CHRM2: variants seen among roughly 807,000 people sequenced by gnomAD.
CHRM2 encodes muscarinic acetylcholine receptor M2.
CHRM2 carries 8 observed loss-of-function variants against 25.0 expected under a neutral mutation model. The observed-to-expected ratio is 0.32, with a 90% CI of 0.19 to 0.58. The LOEUF (loss-of-function observed/expected upper bound fraction) is 0.58. CHRM2 is among the 20% of genes least tolerant of loss of function. The pLI, the probability that CHRM2 is intolerant of heterozygous loss-of-function variation, is 0.88. For missense variants in CHRM2, 440 were observed against 567.1 expected (o/e 0.78, Z 2.28); for synonymous variants, 202 against 205.7 (o/e 0.98, Z 0.15).
chr7:136,999,090 C>T (rs1803805140), intron 3 of CHRM2, among the ~76,000 whole-genome samples: 1 of 152,022 alleles, frequency 6.6e-6, no homozygotes, highest in Non-Finnish European at 1.5e-5. Context: ...CGCCCATGAA[C>T]ACTGTTGCTA....
At chr7:136,981,210 A>AT (rs1802463709) in intron 2 of CHRM2, among the ~76,000 whole-genome samples, 1 of 152,100 alleles carries the variant, frequency 6.6e-6, no homozygotes, top group Non-Finnish European at 1.5e-5. Flanking sequence ...TTTCTTCTAG[A>AT]TTTTTTAATT....
chr7:136,908,547 G>A (rs541166975), intron 2 of CHRM2, among the ~76,000 whole-genome samples: 34 of 151,954 alleles, frequency 2.2e-4, no homozygotes, highest in African/African-American at 8.0e-4. Flanking sequence ...GCTGACACAG[G>A]TGAGGCCACT....
At chr7:136,996,981 A>G (rs1037734374) in intron 3 of CHRM2, among the ~76,000 whole-genome samples, 2 of 152,138 alleles carry the variant, frequency 1.3e-5, no homozygotes, top group African/African-American at 4.8e-5. Flanking sequence ...TAAATATGTG[A>G]CAACTCTGTG....
At chr7:136,896,166 TTCA>T (rs991210020) in intron 2 of CHRM2, among the ~76,000 whole-genome samples, 1 of 152,148 alleles carries the variant, frequency 6.6e-6, no homozygotes, top group Admixed American at 6.5e-5. Context: ...GAGCATCCCA[TTCA>T]TCTGCGCTCC....
chr7:136,948,202 G>T (rs541966086), intron 2 of CHRM2, among the ~76,000 whole-genome samples: 1 of 152,002 alleles, frequency 6.6e-6, no homozygotes, highest in East Asian at 1.9e-4. Flanking sequence ...CTATCATCTA[G>T]ATAGAAATGA....
intron 2 of CHRM2, among the ~76,000 whole-genome samples, chr7:136,917,649 T>C (rs1441713806): frequency 6.6e-6 from 1 of 152,070 alleles, no homozygotes; most frequent in Non-Finnish European, 1.5e-5. Flanking sequence ...ATGTACAATC[T>C]TAAGCATTTA....
chr7:136,971,312 C>A (rs759044538), intron 2 of CHRM2, among the ~76,000 whole-genome samples: 1 of 152,198 alleles, frequency 6.6e-6, no homozygotes, highest in Admixed American at 6.5e-5. Context: ...CTCCATCCTA[C>A]AATTTAGACC....
chr7:136,987,126 TTTC>T (rs199681710), intron 2 of CHRM2, among the ~76,000 whole-genome samples: 2 of 140,252 alleles, frequency 1.4e-5, no homozygotes, highest in Non-Finnish European at 3.3e-5. Flanking sequence ...TTTATTTCTC[TTTC>T]TTTTTCTCTT....
intron 2 of CHRM2, among the ~76,000 whole-genome samples, chr7:136,927,889 C>T (rs1343243786): frequency 1.3e-5 from 2 of 152,232 alleles, no homozygotes; most frequent in East Asian, 3.9e-4. Context: ...GAAGCAGACT[C>T]ATGATATGGA....
At chr7:136,892,118 T>C (rs1796714100) in intron 2 of CHRM2, among the ~76,000 whole-genome samples, 1 of 152,226 alleles carries the variant, frequency 6.6e-6, no homozygotes, top group Admixed American at 6.5e-5. Context: ...AGCTCGAATT[T>C]GAAAGACAAG....
intron 2 of CHRM2, among the ~76,000 whole-genome samples, chr7:136,963,308 A>G (rs942770317): frequency 1.3e-5 from 2 of 152,208 alleles, no homozygotes; most frequent in African/African-American, 4.8e-5. Flanking sequence ...AAAAGCGTTT[A>G]TCTCGTAAGC....
chr7:136,966,414 T>C (rs1217931220), intron 2 of CHRM2, among the ~76,000 whole-genome samples: 1 of 151,954 alleles, frequency 6.6e-6, no homozygotes, highest in Non-Finnish European at 1.5e-5. Flanking sequence ...TATTTTTAAG[T>C]TTTATTGATT....
At chr7:136,916,732 C>T (rs142611013) in intron 2 of CHRM2, among the ~76,000 whole-genome samples, 3 of 151,058 alleles carry the variant, frequency 2.0e-5, no homozygotes, top group African/African-American at 7.3e-5. Context: ...ATGCTATGTA[C>T]TATGTTATAT....
At chr7:136,901,135 C>T (rs1020961738) in intron 2 of CHRM2, among the ~76,000 whole-genome samples, 2 of 151,970 alleles carry the variant, frequency 1.3e-5, no homozygotes, top group African/African-American at 4.8e-5. Flanking sequence ...CCTGTACAGC[C>T]CGGGGAGTGT....
chr7:136,898,832 T>C (rs931551484), intron 2 of CHRM2: 2 of 151,984 alleles, frequency 1.3e-5, no homozygotes, highest in African/African-American at 4.8e-5. Context: ...ACAAGCACTA[T>C]CAAGATGGAT....
intron 2 of CHRM2, among the ~76,000 whole-genome samples, chr7:136,932,314 C>A (rs1189743382): frequency 6.6e-6 from 1 of 152,126 alleles, no homozygotes; most frequent in Non-Finnish European, 1.5e-5. Context: ...TTGAAAACTT[C>A]CCTCATAAAG....
chr7:136,980,948 T>C (rs1172584444), intron 2 of CHRM2, among the ~76,000 whole-genome samples: 1 of 152,216 alleles, frequency 6.6e-6, no homozygotes, highest in Non-Finnish European at 1.5e-5. Context: ...AGGATGATGC[T>C]GGCCTCATAA....
rs1441166346 is a variant in CHRM2 at position 137,017,949 on chromosome 7, A to T, written c.*1683A>T. ...TTTTTATCCTTTATATTTTTCTTAC[A>T]GTATTTGCTGTAGTTTTCCAATGAG... On this transcript the variant is annotated 3_prime_UTR_variant, in exon 4 of 4. Transcript: ENST00000680005. The T allele has an allele frequency of 1.3e-5, 2 of 151,946 alleles. No individual in the cohort carries two copies. Among genetic ancestry groups the T allele is most frequent in the Admixed American group, 1.3e-4 (2 of 15,214 alleles). 9.4% of individuals were successfully genotyped at this position (151,946 alleles called of 1,614,324 possible).
intron 2 of CHRM2, among the ~76,000 whole-genome samples, chr7:136,949,459 T>TAAAAAA (rs386411435): frequency 3.3e-5 from 4 of 120,854 alleles, no homozygotes; most frequent in South Asian, 2.8e-4. Context: ...TCTGCAAAAC[T>TAAAAAA]AAAAAAAAAA....
Sources: gnomAD v4.1 joint callset for allele counts (sites outside exome capture counted in the v4.1 genomes callset) on GRCh38, gnomAD v4.1.1 for gene constraint, MANE v1.5 for transcripts, NCBI Gene and HGNC (gene_info 2026-07-23, HGNC 2026-07-21) for gene names.